The following SPECC1 variants were observed in gnomAD, a reference collection of about 807,000 sequenced individuals.
SPECC1 encodes sperm antigen with calponin homology and coiled-coil domains 1.
Under a neutral mutation model 104.1 loss-of-function variants are expected in SPECC1, and 62 were observed. The ratio of observed to expected loss-of-function variants is 0.60; its 90% CI spans 0.49 to 0.74. The LOEUF (loss-of-function observed/expected upper bound fraction) is 0.74, where lower values mean the gene tolerates loss of function less well. Ranked by LOEUF, SPECC1 falls within the 30% of genes least tolerant of loss-of-function variation. The pLI, the probability that SPECC1 is intolerant of heterozygous loss-of-function variation, is 0.00. For missense variants in SPECC1, 1,306 were observed against 1,310.5 expected, an observed-to-expected ratio of 1.00 and a Z score of 0.05; for synonymous variants, 513 against 501.6, an observed-to-expected ratio of 1.02 and a Z score of -0.30.
In SPECC1 at chr17:20,232,338, C is replaced by T. The variant is rs150686224; in HGVS notation, c.2284C>T (p.Arg762Trp). Reference protein sequence around the residue: ...KLLEEEEKNARLQKELGDVQG... With the variant: ...KLLEEEEKNAWLQKELGDVQG... ...GCTGGAGGAGGAGGAGAAGAATGCC[C>T]GGTTGCAGAAGGAGCTGGGGGATGT... The change falls in exon 7 of 15, where the codon CGG (arginine) becomes TGG (tryptophan). Residue 762 changes from arginine to tryptophan, a missense_variant. Arg to Trp is a moderately radical substitution (Grantham distance 101). Coordinates refer to ENST00000395527, the MANE Select transcript of SPECC1 (RefSeq NM_001243439.2). 798 of 1,613,998 alleles carry T rather than the reference C, an allele frequency of 4.9e-4. 1 individual carries two copies. Among genetic ancestry groups the T allele is most frequent in the Non-Finnish European group, 6.2e-4 (727 of 1,179,964 alleles).
chr17:20,276,410 C>T (rs1045365658), intron 12 of SPECC1, among the ~76,000 whole-genome samples: 33 of 152,192 alleles, frequency 2.2e-4, no homozygotes, highest in African/African-American at 8.0e-4. Context: ...TGTGGAGCCA[C>T]TTTGCCCAGC....
intron 3 of SPECC1, chr17:20,156,130 G>A: frequency 7.2e-7 from 1 of 1,386,670 alleles, no homozygotes; most frequent in Non-Finnish European, 9.4e-7. Context: ...CGGAGCCAGC[G>A]CGAGCTCGGC....
intron 14 of SPECC1, among the ~76,000 whole-genome samples, chr17:20,311,863 T>C (rs2142234405): frequency 6.6e-6 from 1 of 152,354 alleles, no homozygotes; most frequent in East Asian, 1.9e-4. Flanking sequence ...ATAAAAACTA[T>C]CTTGATTGTG....
chr17:20,200,877 G>GA (rs778836438), intron 3 of SPECC1, among the ~76,000 whole-genome samples: 1 of 136,326 alleles, frequency 7.3e-6, no homozygotes, highest in Non-Finnish European at 1.6e-5. Flanking sequence ...TTGGAAAACA[G>GA]AGACAGACAT....
intron 12 of SPECC1, among the ~76,000 whole-genome samples, chr17:20,275,625 A>G (rs1005317030): frequency 5.9e-5 from 9 of 152,218 alleles, no homozygotes; most frequent in African/African-American, 1.9e-4. Flanking sequence ...TGAAAAGTAT[A>G]AGAGTGAAGA....
chr17:20,161,063 T>C (rs2151128058), intron 3 of SPECC1, among the ~76,000 whole-genome samples: 1 of 152,214 alleles, frequency 6.6e-6, no homozygotes, highest in African/African-American at 2.4e-5. Flanking sequence ...ATACAAAAAT[T>C]AGTCGAGTGC....
chr17:20,060,614 G>A (rs552757384), intron 1 of SPECC1, among the ~76,000 whole-genome samples: 1 of 152,192 alleles, frequency 6.6e-6, no homozygotes, highest in Non-Finnish European at 1.5e-5. Flanking sequence ...TGCTTTCTAT[G>A]TGTACTTCCC....
At chr17:20,237,321 T>TG in intron 7 of SPECC1, 1 of 1,087,034 alleles carries the variant, frequency 9.2e-7, no homozygotes, top group Non-Finnish European at 1.1e-6. Context: ...TTTTGTTTTT[T>TG]TTTTTTTTTT....
chr17:20,027,650 C>G (rs1248827104), intron 1 of SPECC1, among the ~76,000 whole-genome samples: 1 of 152,066 alleles, frequency 6.6e-6, no homozygotes, highest in Admixed American at 6.6e-5. Flanking sequence ...ATATCGATAT[C>G]CAGTTTTCCT....
At chr17:20,296,925 A>G (rs765004998) in intron 12 of SPECC1, 36 bp from the exon 13 acceptor site, 40 of 1,588,192 alleles carry the variant, frequency 2.5e-5, no homozygotes, top group Middle Eastern at 1.7e-4. Context: ...ACAGTTTGCA[A>G]TAGTTCTTGT....
chr17:20,103,661 C>T (rs987052283), intron 2 of SPECC1, among the ~76,000 whole-genome samples: 3 of 152,142 alleles, frequency 2.0e-5, no homozygotes, highest in African/African-American at 7.2e-5. Context: ...TTCCCTCTCC[C>T]ACATACATGT....
chr17:20,066,105 G>A (rs1276417513), intron 1 of SPECC1, among the ~76,000 whole-genome samples: 1 of 152,108 alleles, frequency 6.6e-6, no homozygotes, highest in African/African-American at 2.4e-5. Flanking sequence ...TGGATCTGTT[G>A]CTGGCTAGGT....
At chr17:20,230,513 T>TTGTTG (rs1258685648) in intron 5 of SPECC1, among the ~76,000 whole-genome samples, 1 of 151,834 alleles carries the variant, frequency 6.6e-6, no homozygotes, top group African/African-American at 2.4e-5. Flanking sequence ...AAGTTCTGTT[T>TTGTTG]TGTTTTTGTT....
In SPECC1 at chr17:20,077,164, G is replaced by A. The variant is rs180751018; in HGVS notation, c.-21-19467G>A. Reference sequence around the variant, plus strand: ...TAGTCAAATTGGTTTCATTTTTTTCGTAAGTCTTCTATGTTAGAGATCTAA... The same window carrying A: ...TAGTCAAATTGGTTTCATTTTTTTCATAAGTCTTCTATGTTAGAGATCTAA... On this transcript the variant is annotated intron_variant, in intron 1 of 14. Coordinates refer to ENST00000395527, the MANE Select transcript of SPECC1 (RefSeq NM_001243439.2). Among the ~76,000 whole-genome samples the A allele has an allele frequency of 7.1e-3, 1,082 of 151,958 alleles. 16 individuals carry two copies. The highest frequency in any genetic ancestry group is 0.025 in the African/African-American group (1,024 of 41,420).
At chr17:20,142,741 A>G (rs891245752) in intron 3 of SPECC1, among the ~76,000 whole-genome samples, 1 of 151,974 alleles carries the variant, frequency 6.6e-6, no homozygotes, top group Non-Finnish European at 1.5e-5. Flanking sequence ...TTGTACAACA[A>G]TGTGAATGTA....
chr17:20,075,613 G>A (rs1567826142), intron 1 of SPECC1, among the ~76,000 whole-genome samples: 1 of 152,066 alleles, frequency 6.6e-6, no homozygotes, highest in Non-Finnish European at 1.5e-5. Context: ...AACAGCCTGG[G>A]AAACATAGCA....
At chr17:20,150,349 A>T (rs1302533051) in intron 3 of SPECC1, among the ~76,000 whole-genome samples, 3 of 142,318 alleles carry the variant, frequency 2.1e-5, no homozygotes, top group Non-Finnish European at 3.0e-5. Flanking sequence ...GGTTCAAGTG[A>T]TTTTTTCTGC....
intron 2 of SPECC1, 93 bp from the exon 3 acceptor site, chr17:20,110,334 G>T: frequency 7.0e-7 from 1 of 1,430,176 alleles, no homozygotes; most frequent in Non-Finnish European, 9.4e-7. Context: ...TGACTGCTGG[G>T]CACATAGCCC....
rs1250850277 is a variant in SPECC1, at chr17:20,231,738, T to G, written c.2072-20T>G. 1 of 1,612,910 alleles carries G rather than the reference T, an allele frequency of 6.2e-7. No individual in the cohort carries two copies. ...AGTCTCACAGCTTTTCTAAGCCCTG[T>G]CTGAATTATTTATTTCTAGGTAGTG... On this transcript the variant is annotated intron_variant, in intron 5 of 14. Transcript: ENST00000395527.
Sources: gnomAD v4.1 joint callset for allele counts (sites outside exome capture counted in the v4.1 genomes callset) on GRCh38, gnomAD v4.1.1 for gene constraint, MANE v1.5 for transcripts, NCBI Gene and HGNC (gene_info 2026-07-23, HGNC 2026-07-21) for gene names.